Variants in FHIP1A observed in about 807,000 individuals in gnomAD.
FHIP1A encodes the protein FHF complex subunit HOOK interacting protein 1A, also known as FHF complex subunit HOOK-interacting protein 1A.
Under a neutral mutation model 88.6 loss-of-function variants are expected in FHIP1A, and 61 were observed. That is an observed-to-expected ratio of 0.69 (90% CI 0.56 to 0.85). FHIP1A has a LOEUF of 0.85. Among genes scored for constraint, FHIP1A ranks in the 40% least tolerant of loss-of-function variants. FHIP1A has a pLI of 0.00. For synonymous variants in FHIP1A, 478 were observed against 496.0 expected, an observed-to-expected ratio of 0.96 and a Z score of 0.48; for missense variants, 1,154 against 1,273.5, an observed-to-expected ratio of 0.91 and a Z score of 1.43.
Position 151,462,068 on chromosome 4 carries a change from G to C in FHIP1A, c.-248+7260G>C, listed in dbSNP as rs76747034. Among the ~76,000 whole-genome samples the C allele has an allele frequency of 8.7e-3, 1,328 of 152,224 alleles. 23 individuals are homozygous for C. Among genetic ancestry groups the C allele is most frequent in the African/African-American group, 0.029 (1,207 of 41,526 alleles). ...TCCCAGCTACTTGGGAGGCTGAGTTGGTAGGACCCCTTGAGCTGAGAAGTT... is the reference window on the plus strand; with the variant it reads ...TCCCAGCTACTTGGGAGGCTGAGTTCGTAGGACCCCTTGAGCTGAGAAGTT... On this transcript the variant is annotated intron_variant, in intron 2 of 13. Coordinates refer to ENST00000435205, the MANE Select transcript of FHIP1A (RefSeq NM_001109977.3).
In FHIP1A at chr4:151,429,347, T is replaced by C. The variant is rs1733505281; in HGVS notation, c.-356+19882T>C. On this transcript the variant is annotated intron_variant, in intron 1 of 13. Transcript: ENST00000435205. ...TAACATGAAAGAATGGAATTAGATATGGCCATCATCTAGTTAATTAAGCGC... is the reference window on the plus strand; with the variant it reads ...TAACATGAAAGAATGGAATTAGATACGGCCATCATCTAGTTAATTAAGCGC... Among the ~76,000 whole-genome samples, 4 of 152,206 alleles carry C rather than the reference T, an allele frequency of 2.6e-5. No individual in the cohort carries two copies. In the South Asian group the frequency reaches 8.3e-4, roughly 31 times the overall value.
chr4:151,584,587 A>T (rs1734137597), intron 5 of FHIP1A, among the ~76,000 whole-genome samples: 1 of 151,918 alleles, frequency 6.6e-6, no homozygotes. Context: ...CTACATGTTG[A>T]TGGCTCCGTC....
chr4:151,433,801 T>G (rs998170857), intron 1 of FHIP1A, among the ~76,000 whole-genome samples: 1 of 152,196 alleles, frequency 6.6e-6, no homozygotes, highest in African/African-American at 2.4e-5. Flanking sequence ...CCCTTTAGAA[T>G]CTCTTGCTCA....
chr4:151,592,192 T>C (rs1410610262), intron 7 of FHIP1A, among the ~76,000 whole-genome samples: 1 of 152,136 alleles, frequency 6.6e-6, no homozygotes, highest in Non-Finnish European at 1.5e-5. Flanking sequence ...TGGAATGCAG[T>C]GGTGCGATCT....
intron 1 of FHIP1A, among the ~76,000 whole-genome samples, chr4:151,431,637 G>A (rs1733597308): frequency 6.6e-6 from 1 of 152,160 alleles, no homozygotes; most frequent in African/African-American, 2.4e-5. Context: ...AGTCACTTGT[G>A]TTCACTGGAT....
intron 7 of FHIP1A, among the ~76,000 whole-genome samples, chr4:151,602,215 G>T (rs1048197852): frequency 1.3e-5 from 2 of 152,064 alleles, no homozygotes; most frequent in African/African-American, 4.8e-5. Context: ...TACAGGGTAT[G>T]AAAATCAAAT....
chr4:151,512,068 C>T (rs1280283394), intron 3 of FHIP1A, among the ~76,000 whole-genome samples: 2 of 152,164 alleles, frequency 1.3e-5, no homozygotes, highest in East Asian at 3.9e-4. Context: ...CTCACACGGC[C>T]GGGTACTCCT....
intron 5 of FHIP1A, among the ~76,000 whole-genome samples, chr4:151,581,434 A>G (rs1034064535): frequency 6.6e-6 from 1 of 152,204 alleles, no homozygotes; most frequent in Non-Finnish European, 1.5e-5. Flanking sequence ...TTCATATTTC[A>G]TAATTTAAAA....
chr4:151,598,280 G>A (rs1438633858), intron 7 of FHIP1A, among the ~76,000 whole-genome samples: 1 of 152,066 alleles, frequency 6.6e-6, no homozygotes, highest in African/African-American at 2.4e-5. Flanking sequence ...CCCTTGGCTA[G>A]GGGAGCGAGT....
chr4:151,609,891 A>C (rs965633246), intron 7 of FHIP1A, among the ~76,000 whole-genome samples: 5 of 152,230 alleles, frequency 3.3e-5, no homozygotes, highest in South Asian at 2.1e-4. Flanking sequence ...GCCAAAAAAA[A>C]ACAAAAAACC....
At chr4:151,476,991 C>T (rs367591889) in intron 2 of FHIP1A, among the ~76,000 whole-genome samples, 39 of 152,066 alleles carry the variant, frequency 2.6e-4, no homozygotes, top group East Asian at 1.9e-3. Flanking sequence ...AAAAAAGATA[C>T]GAAAAAATGG....
intron 1 of FHIP1A, among the ~76,000 whole-genome samples, chr4:151,426,940 T>C (rs1733398616): frequency 6.6e-6 from 1 of 152,200 alleles, no homozygotes. Flanking sequence ...ATTTAAAATA[T>C]AATCACAGAA....
At chr4:151,599,633 G>C (rs937297043) in intron 7 of FHIP1A, among the ~76,000 whole-genome samples, 1 of 152,196 alleles carries the variant, frequency 6.6e-6, no homozygotes, top group African/African-American at 2.4e-5. Flanking sequence ...ACTATACTCA[G>C]TGCTTCCAGT....
chr4:151,433,972 C>T (rs977872757), intron 1 of FHIP1A, among the ~76,000 whole-genome samples: 9 of 152,076 alleles, frequency 5.9e-5, no homozygotes, highest in African/African-American at 1.2e-4. Context: ...TTCAGTGTTT[C>T]GAAGAGCAAC....
intron 3 of FHIP1A, among the ~76,000 whole-genome samples, chr4:151,495,310 C>A (rs902728656): frequency 4.6e-5 from 7 of 152,054 alleles, no homozygotes; most frequent in Admixed American, 1.3e-4. Flanking sequence ...TGAGACCAGC[C>A]TGGCCAACAT....
At chr4:151,548,912 C>T (rs1362307044) in intron 3 of FHIP1A, among the ~76,000 whole-genome samples, 2 of 152,220 alleles carry the variant, frequency 1.3e-5, no homozygotes, top group Non-Finnish European at 2.9e-5. Flanking sequence ...TTACTTTCTG[C>T]AGAAAGGGTG....
intron 3 of FHIP1A, among the ~76,000 whole-genome samples, chr4:151,563,651 T>C (rs1403635898): frequency 6.6e-6 from 1 of 152,154 alleles, no homozygotes; most frequent in Non-Finnish European, 1.5e-5. Flanking sequence ...CTTGGGAGTT[T>C]TAGCATTGGA....
intron 3 of FHIP1A, among the ~76,000 whole-genome samples, chr4:151,553,632 T>C (rs1732832222): frequency 6.6e-6 from 1 of 152,240 alleles, no homozygotes; most frequent in South Asian, 2.1e-4. Context: ...ATGGAATATC[T>C]GTAGTGGCTG....
At chr4:151,534,958 C>CCAAG (rs2126717897) in intron 3 of FHIP1A, 1 of 152,300 alleles carries the variant, frequency 6.6e-6, no homozygotes, top group South Asian at 2.1e-4. Context: ...TGGCTCACAC[C>CCAAG]TGTAATTCCA....
Sources: gnomAD v4.1 joint callset for allele counts (sites outside exome capture counted in the v4.1 genomes callset) on GRCh38, gnomAD v4.1.1 for gene constraint, MANE v1.5 for transcripts, NCBI Gene and HGNC (gene_info 2026-07-23, HGNC 2026-07-21) for gene names.